Variants in PLAC1 observed in about 807,000 individuals in gnomAD.
The protein encoded by PLAC1 is placenta associated 1, also known as placenta-specific protein 1.
For missense variants in PLAC1, 136 were observed against 163.2 expected, an observed-to-expected ratio of 0.83 and a Z score of 0.91; for synonymous variants, 68 against 62.1, an observed-to-expected ratio of 1.09 and a Z score of -0.44.
chrX:134,742,136 T>C (rs1369010572), intron 1 of PLAC1, among the ~76,000 whole-genome samples: 3 of 112,400 alleles, frequency 2.7e-5, no homozygotes, highest in Non-Finnish European at 5.6e-5. Flanking sequence ...ATCCAGGTAT[T>C]GAATATGTAA....
At chrX:134,588,209 T>C (rs1188031011) in intron 2 of PLAC1, among the ~76,000 whole-genome samples, 1 of 111,766 alleles carries the variant, frequency 8.9e-6, no homozygotes, top group Non-Finnish European at 1.9e-5. Context: ...AGCGATTTTC[T>C]AGCTGTTTTG....
intron 2 of PLAC1, among the ~76,000 whole-genome samples, chrX:134,697,825 A>G (rs1474772744): frequency 8.9e-6 from 1 of 111,740 alleles, no homozygotes; most frequent in African/African-American, 3.3e-5. Context: ...CAGAGATTGC[A>G]CCACTGCACT....
chrX:134,701,599 CAAAT>C (rs2078583200), intron 2 of PLAC1, among the ~76,000 whole-genome samples: 1 of 112,146 alleles, frequency 8.9e-6, no homozygotes, highest in Non-Finnish European at 1.9e-5. Flanking sequence ...AAGCAAAAAA[CAAAT>C]AACGCCATTA....
chrX:134,737,827 G>T (rs931821869), intron 1 of PLAC1, among the ~76,000 whole-genome samples: 6 of 112,716 alleles, frequency 5.3e-5, no homozygotes, highest in African/African-American at 1.9e-4. Context: ...GGTTCCTTTT[G>T]ATTGAACTTT....
At chrX:134,705,199 T>A (rs1384578253) in intron 2 of PLAC1, among the ~76,000 whole-genome samples, 1 of 106,158 alleles carries the variant, frequency 9.4e-6, no homozygotes, top group Non-Finnish European at 1.9e-5. Flanking sequence ...GGCAGGTGGA[T>A]CATGAGGTCA....
intron 2 of PLAC1, among the ~76,000 whole-genome samples, chrX:134,598,974 G>A (rs1444042494): frequency 8.9e-6 from 1 of 111,901 alleles, no homozygotes; most frequent in Non-Finnish European, 1.9e-5. Flanking sequence ...AGAGTTTCCA[G>A]AAGATATGGG....
chrX:134,705,006 A>T (rs1273600439), intron 2 of PLAC1, among the ~76,000 whole-genome samples: 4 of 98,272 alleles, frequency 4.1e-5, no homozygotes, highest in Non-Finnish European at 7.8e-5. Flanking sequence ...AAAATTATAT[A>T]TATATATATA....
At chrX:134,581,201 C>T (rs2077972180) in intron 2 of PLAC1, among the ~76,000 whole-genome samples, 1 of 111,509 alleles carries the variant, frequency 9.0e-6, no homozygotes, top group African/African-American at 3.3e-5. Flanking sequence ...AGAGTACAGA[C>T]AGTCAAATGA....
intron 2 of PLAC1, among the ~76,000 whole-genome samples, chrX:134,569,229 G>C (rs968269512): frequency 2.7e-5 from 3 of 110,945 alleles, no homozygotes. Flanking sequence ...AAAATGTCTA[G>C]AATTTCTGAG....
chrX:134,668,273 T>C (rs1254164396), intron 2 of PLAC1, among the ~76,000 whole-genome samples: 4 of 112,358 alleles, frequency 3.6e-5, no homozygotes, highest in Non-Finnish European at 7.5e-5. Context: ...ATATCCAGAA[T>C]AGGCAAATCC....
At chrX:134,761,637 G>A (rs1315566643) in intron 1 of PLAC1, among the ~76,000 whole-genome samples, 1 of 111,910 alleles carries the variant, frequency 8.9e-6, no homozygotes, top group East Asian at 2.8e-4. Flanking sequence ...TGGGACTGGA[G>A]GTCAAGGGTA....
chrX:134,711,264 A>C (rs2078627306), intron 2 of PLAC1, among the ~76,000 whole-genome samples: 1 of 112,442 alleles, frequency 8.9e-6, no homozygotes, highest in Non-Finnish European at 1.9e-5. Flanking sequence ...TTATGCTTTC[A>C]TTCTTTATAA....
intron 1 of PLAC1, among the ~76,000 whole-genome samples, chrX:134,610,167 G>A (rs1215376446): frequency 9.0e-6 from 1 of 110,782 alleles, no homozygotes; most frequent in Non-Finnish European, 1.9e-5. Flanking sequence ...TAGTAGAGAC[G>A]GGGTTTCACC....
chrX:134,725,056 T>A (rs1027649885), intron 2 of PLAC1, among the ~76,000 whole-genome samples: 1 of 111,611 alleles, frequency 9.0e-6, no homozygotes, highest in African/African-American at 3.3e-5. Flanking sequence ...CATCACACCA[T>A]ATTTTTACCT....
chrX:134,726,540 C>A (rs1278012143), intron 2 of PLAC1, among the ~76,000 whole-genome samples: 1 of 111,887 alleles, frequency 8.9e-6, no homozygotes, highest in Non-Finnish European at 1.9e-5. Context: ...TTAAAAACTT[C>A]CTGGCCGGGC....
chrX:134,684,332 A>T (rs2147817627), intron 2 of PLAC1, among the ~76,000 whole-genome samples: 1 of 107,665 alleles, frequency 9.3e-6, no homozygotes, highest in African/African-American at 3.4e-5. Flanking sequence ...AATTGGCATC[A>T]TTCAGGAAGG....
intron 1 of PLAC1, among the ~76,000 whole-genome samples, chrX:134,634,222 G>C (rs964019434): frequency 8.9e-6 from 1 of 112,117 alleles, no homozygotes; most frequent in Admixed American, 9.4e-5. Context: ...CCAAGTTCAT[G>C]CTTGCCCATT....
chrX:134,600,651 A>T lies in PLAC1; in HGVS notation c.-59+1400T>A, dbSNP rs79041065. Reference sequence around the variant, plus strand: ...GGGCAACAGAGTGAGACCCGATCTCATTTTTTTTTTTTTTAAGGATGAAGA... The same window carrying T: ...GGGCAACAGAGTGAGACCCGATCTCTTTTTTTTTTTTTTTAAGGATGAAGA... On this transcript the variant is annotated intron_variant, in intron 2 of 2. Transcript: ENST00000359237. 3.2e-4 allele frequency among the ~76,000 whole-genome samples: 32 copies of T among 101,141 alleles called. No individual in the cohort carries two copies. The East Asian group carries it at 8.6e-3, about 27-fold the overall frequency. The allele number at this position is 101,141 out of a possible 115,157, so 87.8% of individuals were successfully genotyped here. A position where few individuals can be genotyped will look rare whatever the true frequency, so the allele number is the denominator to read the frequency against.
At chrX:134,651,175 A>G in intron 1 of PLAC1, 1 of 269,773 alleles carries the variant, frequency 3.7e-6, no homozygotes, top group East Asian at 9.4e-5. Flanking sequence ...AAGCAAAAGC[A>G]TCACAGGAGC....
Sources: gnomAD v4.1 joint callset for allele counts (sites outside exome capture counted in the v4.1 genomes callset) on GRCh38, gnomAD v4.1.1 for gene constraint, MANE v1.5 for transcripts, NCBI Gene and HGNC (gene_info 2026-07-23, HGNC 2026-07-21) for gene names.